Variants in MBOAT1 observed in about 807,000 individuals in gnomAD.
MBOAT1 encodes membrane-bound glycerophospholipid O-acyltransferase 1.
MBOAT1 carries 67 observed loss-of-function variants against 64.4 expected under a neutral mutation model. The observed-to-expected ratio is 1.04, with a 90% CI of 0.85 to 1.27. The LOEUF is 1.27. Among genes scored for constraint, MBOAT1 ranks in the 50% most tolerant of loss-of-function variants. MBOAT1 has a pLI of 0.00. For missense variants in MBOAT1, 563 were observed against 604.6 expected (o/e 0.93, Z 0.72); for synonymous variants, 229 against 218.9 (o/e 1.05, Z -0.41).
intron 1 of MBOAT1, among the ~76,000 whole-genome samples, chr6:20,211,523 A>T (rs984326121): frequency 6.6e-6 from 1 of 152,142 alleles, no homozygotes; most frequent in Non-Finnish European, 1.5e-5. Flanking sequence ...AAATAACTTC[A>T]CTGGGGCCCC....
intron 7 of MBOAT1, among the ~76,000 whole-genome samples, chr6:20,125,478 G>A (rs945451651): frequency 2.0e-5 from 3 of 152,250 alleles, no homozygotes; most frequent in South Asian, 2.1e-4. Flanking sequence ...GAACTAAAAC[G>A]CAACCTCACC....
At chr6:20,169,238 C>T (rs1173159323) in intron 1 of MBOAT1, among the ~76,000 whole-genome samples, 2 of 152,126 alleles carry the variant, frequency 1.3e-5, no homozygotes, top group African/African-American at 2.4e-5. Context: ...ATGCAACACC[C>T]CAGGGTGTGG....
chr6:20,119,951 T>C (rs572623794), intron 8 of MBOAT1, among the ~76,000 whole-genome samples: 1 of 152,188 alleles, frequency 6.6e-6, no homozygotes, highest in Non-Finnish European at 1.5e-5. Flanking sequence ...GCACAGCTGG[T>C]TAGACCTAAG....
chr6:20,153,745 AT>A (rs1761596277), intron 1 of MBOAT1, among the ~76,000 whole-genome samples: 1 of 152,164 alleles, frequency 6.6e-6, no homozygotes, highest in Non-Finnish European at 1.5e-5. Context: ...TAGACACCAA[AT>A]TTCCTTAGAA....
At chr6:20,146,135 C>T (rs1038040964) in intron 3 of MBOAT1, among the ~76,000 whole-genome samples, 1 of 152,068 alleles carries the variant, frequency 6.6e-6, no homozygotes, top group African/African-American at 2.4e-5. Context: ...CGGAGCCCAT[C>T]GGATATAGAC....
intron 1 of MBOAT1, among the ~76,000 whole-genome samples, chr6:20,198,348 C>T (rs145577125): frequency 2.8e-4 from 43 of 152,258 alleles, no homozygotes; most frequent in African/African-American, 7.9e-4. Flanking sequence ...TTGAAATGCC[C>T]GTGAGACCCT....
intron 3 of MBOAT1, among the ~76,000 whole-genome samples, chr6:20,150,595 C>T (rs1208863422): frequency 6.8e-6 from 1 of 147,024 alleles, no homozygotes; most frequent in East Asian, 2.0e-4. Flanking sequence ...AGGAGTTTCC[C>T]TCTGTCACCC....
At chr6:20,136,530 C>T (rs188659750) in intron 4 of MBOAT1, among the ~76,000 whole-genome samples, 4 of 152,226 alleles carry the variant, frequency 2.6e-5, no homozygotes, top group Non-Finnish European at 1.5e-5. Context: ...TTATGGAACC[C>T]AATTACTTGA....
intron 1 of MBOAT1, among the ~76,000 whole-genome samples, chr6:20,187,167 G>A (rs974997000): frequency 6.6e-6 from 1 of 152,194 alleles, no homozygotes; most frequent in Non-Finnish European, 1.5e-5. Flanking sequence ...GAATTCAGAT[G>A]TCTAGGCTTC....
chr6:20,138,837 G>C (rs1416271773), intron 4 of MBOAT1, among the ~76,000 whole-genome samples: 1 of 152,176 alleles, frequency 6.6e-6, no homozygotes, highest in African/African-American at 2.4e-5. Flanking sequence ...CACAGTTCTT[G>C]AGGTTAAAAG....
chr6:20,103,143 G>C (rs1382296368), intron 12 of MBOAT1, among the ~76,000 whole-genome samples: 1 of 152,150 alleles, frequency 6.6e-6, no homozygotes, highest in Non-Finnish European at 1.5e-5. Context: ...AGGTCCTTCA[G>C]GAGGGATTCC....
chr6:20,147,021 C>T (rs1323560713), intron 3 of MBOAT1, among the ~76,000 whole-genome samples: 1 of 152,112 alleles, frequency 6.6e-6, no homozygotes, highest in Non-Finnish European at 1.5e-5. Flanking sequence ...ATGCTGTTCT[C>T]GTGATAGTGA....
intron 4 of MBOAT1, among the ~76,000 whole-genome samples, chr6:20,133,066 T>G (rs969946173): frequency 2.0e-5 from 3 of 152,266 alleles, no homozygotes; most frequent in African/African-American, 7.2e-5. Flanking sequence ...AAATACCCTT[T>G]GAAATCTTAC....
At chr6:20,206,530 T>TC (rs1360559517) in intron 1 of MBOAT1, among the ~76,000 whole-genome samples, 3 of 151,744 alleles carry the variant, frequency 2.0e-5, no homozygotes, top group African/African-American at 7.3e-5. Flanking sequence ...CCCTCCAGAC[T>TC]CCCCCACACT....
At chr6:20,211,946 C>T (rs1357008674) in intron 1 of MBOAT1, 190 bp downstream of exon 1, 1 of 552,226 alleles carries the variant, frequency 1.8e-6, no homozygotes, top group African/African-American at 2.0e-5. Context: ...GAGAAAAACA[C>T]TAACACCAAC....
chr6:20,175,882 G>C (rs1172492882), intron 1 of MBOAT1, among the ~76,000 whole-genome samples: 1 of 144,470 alleles, frequency 6.9e-6, no homozygotes, highest in Non-Finnish European at 1.6e-5. Context: ...AGGATCACGG[G>C]CATGAGTCAC....
intron 4 of MBOAT1, among the ~76,000 whole-genome samples, chr6:20,137,327 A>C (rs1348977854): frequency 6.6e-6 from 1 of 152,204 alleles, no homozygotes; most frequent in Non-Finnish European, 1.5e-5. Context: ...TGGCAAAAGG[A>C]AATAAGAGTT....
chr6:20,119,832 G>A (rs1362329362), intron 8 of MBOAT1, among the ~76,000 whole-genome samples: 2 of 152,082 alleles, frequency 1.3e-5, no homozygotes, highest in African/African-American at 4.8e-5. Context: ...TGACACTAAG[G>A]GCCTTGAGGT....
At chr6:20,189,924 C>CTGT (rs1234331695) in intron 1 of MBOAT1, among the ~76,000 whole-genome samples, 1 of 151,818 alleles carries the variant, frequency 6.6e-6, no homozygotes, top group Non-Finnish European at 1.5e-5. Flanking sequence ...CTTCATTTAT[C>CTGT]TGTTGATGGA....
Sources: gnomAD v4.1 joint callset for allele counts (sites outside exome capture counted in the v4.1 genomes callset) on GRCh38, gnomAD v4.1.1 for gene constraint, MANE v1.5 for transcripts, NCBI Gene and HGNC (gene_info 2026-07-23, HGNC 2026-07-21) for gene names.